The following CDH5 variants were observed in gnomAD, a reference collection of about 807,000 sequenced individuals.
CDH5 encodes cadherin-5.
Under a neutral mutation model 62.0 loss-of-function variants are expected in CDH5, and 28 were observed. That is an observed-to-expected ratio of 0.45 (90% CI 0.33 to 0.62). The LOEUF is 0.62. Among genes scored for constraint, CDH5 ranks in the 20% least tolerant of loss-of-function variants. The probability of loss-of-function intolerance (pLI) is 0.02; values close to 1 mark genes in which losing one functional copy is unlikely to be tolerated. For missense variants in CDH5, 940 were observed against 1,065.1 expected, an observed-to-expected ratio of 0.88 and a Z score of 1.63; for synonymous variants, 464 against 445.8, an observed-to-expected ratio of 1.04 and a Z score of -0.52.
intron 7 of CDH5, among the ~76,000 whole-genome samples, chr16:66,395,016 A>ATTTTTTTTTTT: frequency 1.0e-4 from 2 of 19,950 alleles, no homozygotes; most frequent in Non-Finnish European, 2.1e-4. Flanking sequence ...CACCAGGCTA[A>ATTTTTTTTTTT]TCTTTTTTTT....
intron 7 of CDH5, among the ~76,000 whole-genome samples, chr16:66,395,245 C>T (rs796510724): frequency 8.0e-5 from 12 of 150,566 alleles, no homozygotes; most frequent in South Asian, 2.1e-4. Context: ...ATAAACACTT[C>T]CCTTCAAAAA....
intron 7 of CDH5, 88 bp from the exon 8 acceptor site, chr16:66,395,971 A>G: frequency 1.5e-6 from 2 of 1,363,664 alleles, no homozygotes; most frequent in Non-Finnish European, 2.0e-6. Flanking sequence ...TGCAGGGGAC[A>G]GATGCAGAAG....
intron 2 of CDH5, among the ~76,000 whole-genome samples, chr16:66,386,083 G>A (rs1315711300): frequency 1.3e-5 from 2 of 150,810 alleles, no homozygotes; most frequent in East Asian, 1.9e-4. Context: ...AAAACTTAGA[G>A]AGGTTAAGTG....
intron 8 of CDH5, among the ~76,000 whole-genome samples, chr16:66,397,527 T>A (rs1479725592): frequency 1.3e-5 from 2 of 152,068 alleles, no homozygotes; most frequent in East Asian, 3.9e-4. Flanking sequence ...GGCCTTAAAA[T>A]TTTTTTTAAT....
intron 2 of CDH5, among the ~76,000 whole-genome samples, chr16:66,384,078 C>CTTTTTTTTTTT (rs35435487): frequency 4.2e-5 from 3 of 71,356 alleles, no homozygotes; most frequent in Admixed American, 2.1e-4. Context: ...GGAGTCCAGC[C>CTTTTTTTTTTT]TTTTTTTTTT....
chr16:66,374,570 T>C (rs1960750711), intron 1 of CDH5, among the ~76,000 whole-genome samples: 1 of 152,092 alleles, frequency 6.6e-6, no homozygotes, highest in Non-Finnish European at 1.5e-5. Context: ...GAGAACGCTT[T>C]GTTATGTGGG....
chr16:66,384,133 G>A (rs1047473269), intron 2 of CDH5, among the ~76,000 whole-genome samples: 1 of 130,086 alleles, frequency 7.7e-6, no homozygotes, highest in Admixed American at 9.4e-5. Context: ...CACCCAGGCT[G>A]GAGTGCAGTG....
chr16:66,366,872 A>C (rs548751086), intron 1 of CDH5, 114 bp downstream of exon 1: 1 of 152,306 alleles, frequency 6.6e-6, no homozygotes. Flanking sequence ...CTCCCATGAC[A>C]GAGAGGCTCC....
chr16:66,396,253 T>C (rs1210135380), intron 8 of CDH5, 52 bp downstream of exon 8: 1 of 1,609,092 alleles, frequency 6.2e-7, no homozygotes, highest in Non-Finnish European at 8.5e-7. Context: ...TTTCCCTCAT[T>C]CTTCCAAAAC....
chr16:66,371,468 G>T (rs1960688556), intron 1 of CDH5, among the ~76,000 whole-genome samples: 1 of 152,194 alleles, frequency 6.6e-6, no homozygotes, highest in South Asian at 2.1e-4. Context: ...CTGAAAGCGG[G>T]TGTGCTGGGG....
chr16:66,395,456 T>C (rs1280564731), intron 7 of CDH5: 2 of 150,864 alleles, frequency 1.3e-5, no homozygotes, highest in African/African-American at 2.4e-5. Flanking sequence ...TGACATCTTA[T>C]AATGTGTAGA....
intron 1 of CDH5, among the ~76,000 whole-genome samples, chr16:66,371,545 G>A (rs1960690370): frequency 6.6e-6 from 1 of 152,206 alleles, no homozygotes; most frequent in Admixed American, 6.5e-5. Context: ...GCAGGTGCCT[G>A]TGGTCAGGGG....
intron 1 of CDH5, chr16:66,376,449 G>A (rs1424896611): frequency 2.0e-5 from 3 of 152,122 alleles, no homozygotes; most frequent in East Asian, 1.9e-4. Context: ...CCACATTCCC[G>A]CTCACTGTAT....
intron 3 of CDH5, among the ~76,000 whole-genome samples, chr16:66,387,938 T>C (rs1961014591): frequency 6.6e-6 from 1 of 152,104 alleles, no homozygotes; most frequent in African/African-American, 2.4e-5. Flanking sequence ...GACCTTCGGG[T>C]TGAGTGTGAG....
Position 66,403,478 on chromosome 16 carries a change from C to T in CDH5, c.*309C>T, listed in dbSNP as rs1961335711. On this transcript the variant is annotated 3_prime_UTR_variant, in exon 12 of 12. Transcript: ENST00000341529. This position sits in a 1 kb window ranked among gnomAD's most constrained non-coding sequence, Gnocchi z 4.3. Reference sequence around the variant, plus strand: ...TAACTCAAAGACTTCCTCTGGCTCCCCAAGGCTGCAAAGCAAAACAGACTG... The same window carrying T: ...TAACTCAAAGACTTCCTCTGGCTCCTCAAGGCTGCAAAGCAAAACAGACTG... 4.8e-6 allele frequency: 2 copies of T among 413,808 alleles called. No individual in the cohort carries two copies. Among genetic ancestry groups the T allele is most frequent in the African/African-American group, 2.0e-5 (1 of 49,820 alleles). The allele number at this position is 413,808 out of a possible 1,614,324, so 25.6% of individuals were successfully genotyped here. A position where few individuals can be genotyped will look rare whatever the true frequency, so the allele number is the denominator to read the frequency against.
chr16:66,386,817 A>C lies in CDH5; in HGVS notation c.219A>C (p.Ser73=). The change falls in exon 3 of 12, where the codon TCA becomes TCC. Residue 73 remains serine, a synonymous_variant. Transcript: ENST00000341529. ...SLPHHVGKIK[S]SVSRKNAKYL... ...CACCTCTTCTTTTCTAGATCAAGTCAAGCGTGAGTCGCAAGAATGCCAAGT... is the reference window on the plus strand; with the variant it reads ...CACCTCTTCTTTTCTAGATCAAGTCCAGCGTGAGTCGCAAGAATGCCAAGT... 1.2e-6 allele frequency: 2 copies of C among 1,608,110 alleles called. No individual in the cohort carries two copies. The highest frequency in any genetic ancestry group is 4.5e-5 in the East Asian group (2 of 44,686).
intron 2 of CDH5, among the ~76,000 whole-genome samples, chr16:66,381,193 C>T (rs1225567774): frequency 6.6e-6 from 1 of 152,226 alleles, no homozygotes; most frequent in East Asian, 1.9e-4. Context: ...AACCCCTTCT[C>T]TCAGGCTATC....
intron 1 of CDH5, among the ~76,000 whole-genome samples, chr16:66,372,721 C>T (rs1473048844): frequency 6.6e-6 from 1 of 152,174 alleles, no homozygotes. Flanking sequence ...GCGGTCCCAA[C>T]CTCCCATGGG....
chr16:66,402,145 G>C (rs974301533), intron 11 of CDH5, among the ~76,000 whole-genome samples: 1 of 151,984 alleles, frequency 6.6e-6, no homozygotes, highest in African/African-American at 2.4e-5. Context: ...ACTGAGGCTG[G>C]GGGGCAGGGC....
Sources: allele counts gnomAD v4.1 joint callset (sites outside exome capture counted in the v4.1 genomes callset), GRCh38; gene constraint gnomAD v4.1.1; non-coding constraint Gnocchi (gnomAD v3.1); transcripts MANE v1.5; gene names NCBI Gene and HGNC (gene_info 2026-07-23, HGNC 2026-07-21).